The following SMURF2 variants were observed in gnomAD, a reference collection of about 807,000 sequenced individuals.
SMURF2 encodes the protein SMAD specific E3 ubiquitin protein ligase 2.
SMURF2 carries 48 observed loss-of-function variants against 109.6 expected under a neutral mutation model. The observed-to-expected ratio is 0.44, with a 90% confidence interval of 0.35 to 0.56. The LOEUF is 0.56. Ranked by LOEUF, SMURF2 falls within the 20% of genes least tolerant of loss-of-function variation. The pLI is 0.01. For missense variants in SMURF2, 575 were observed against 909.0 expected (o/e 0.63, Z 4.72); for synonymous variants, 288 against 317.1 (o/e 0.91, Z 0.97).
chr17:64,649,716 T>C (rs8072597), intron 1 of SMURF2, among the ~76,000 whole-genome samples: 4,672 of 151,958 alleles, frequency 0.031, 236 homozygotes, highest in African/African-American at 0.11. Context: ...TGGTGGTGCG[T>C]GCCTGTAGTC....
At position 64,545,880 on chromosome 17, in the gene SMURF2, T is replaced by A; in HGVS notation, c.2215A>T (p.Ile739Phe). The stretch of plus-strand genomic sequence containing the variant: ...ACAGCAAATCCACATGTTTCTTCAA[T>A]GGCTGTTAGCAGCTTTTCATATAGC... The part of the protein sequence containing the change: ...EKLYEKLLTA[I>F]EETCGFAVE The change falls in exon 19 of 19, where the codon ATT becomes TTT. Residue 739 changes from isoleucine to phenylalanine, a missense_variant. Physicochemically the swap from Ile to Phe is conservative, Grantham distance 21. Around this residue, in one of 5 missense-constraint regions of SMURF2, gnomAD observed 361 missense variants for 612.1 expected, o/e 0.59. Coordinates refer to ENST00000262435, the MANE Select transcript of SMURF2 (RefSeq NM_022739.4). 1 of 1,611,626 alleles carries A rather than the reference T, an allele frequency of 6.2e-7. No individual in the cohort carries two copies. The highest frequency in any genetic ancestry group is 8.5e-7 in the Non-Finnish European group (1 of 1,177,774).
rs141169726 is a variant in SMURF2, at chr17:64,568,119, G to A, written c.1016+3679C>T. Among the ~76,000 whole-genome samples, 9 of 152,168 alleles carry A rather than the reference G, an allele frequency of 5.9e-5. No homozygotes were observed. In the East Asian group the frequency reaches 1.7e-3, roughly 29 times the overall value. On this transcript the variant is annotated intron_variant, in intron 10 of 18. Transcript: ENST00000262435. ...TCCACCCGCCTTGGCCTCCCAAAGT[G>A]GTGGGATTACAGGTGTGGGCCACCG...
chr17:64,603,005 C>T (rs1176452424), intron 2 of SMURF2, among the ~76,000 whole-genome samples: 1 of 151,818 alleles, frequency 6.6e-6, no homozygotes, highest in Admixed American at 6.6e-5. Context: ...GCTCAAAAAC[C>T]TCCTTACTAC....
chr17:64,593,740 A>T (rs535303400), intron 3 of SMURF2, among the ~76,000 whole-genome samples, 167 bp from the exon 4 acceptor site: 25 of 152,324 alleles, frequency 1.6e-4, no homozygotes, highest in African/African-American at 4.8e-4. Context: ...TTAAATTTTT[A>T]AAAATCTTGA....
At chr17:64,651,024 C>T (rs1393502743) in intron 1 of SMURF2, among the ~76,000 whole-genome samples, 2 of 150,124 alleles carry the variant, frequency 1.3e-5, no homozygotes, top group Non-Finnish European at 3.0e-5. Flanking sequence ...ACAGCCTGGC[C>T]AACACAGCAA....
At chr17:64,553,517 AAAAAC>A (rs1282466581) in intron 15 of SMURF2, among the ~76,000 whole-genome samples, 2 of 152,096 alleles carry the variant, frequency 1.3e-5, no homozygotes, top group Non-Finnish European at 2.9e-5. Flanking sequence ...AAAAACCCAA[AAAAAC>A]AAAACAAAAA....
chr17:64,625,524 T>C lies in SMURF2; in HGVS notation c.53-18884A>G, dbSNP rs535187217. ...ATTTTGTATTCAACACAGATCTCTG[T>C]TTTATGACACTAGCAAATTAACATA... On this transcript the variant is annotated intron_variant, in intron 1 of 18. Transcript: ENST00000262435. 3.9e-5 allele frequency among the ~76,000 whole-genome samples: 6 copies of C among 152,350 alleles called. No individual in the cohort carries two copies. The South Asian group carries it at 1.2e-3, about 32-fold the overall frequency.
At chr17:64,598,055 A>G (rs1969842962) in intron 3 of SMURF2, among the ~76,000 whole-genome samples, 1 of 152,196 alleles carries the variant, frequency 6.6e-6, no homozygotes, top group African/African-American at 2.4e-5. Flanking sequence ...AAAGAAGCCT[A>G]TTCAGTGCAA....
chr17:64,661,790 C>T (rs1286593456), intron 1 of SMURF2, 39 bp downstream of exon 1: 4 of 1,215,896 alleles, frequency 3.3e-6, no homozygotes, highest in Non-Finnish European at 4.1e-6. Flanking sequence ...AGCTCGCCCA[C>T]CCCGCGGCTG....
intron 16 of SMURF2, among the ~76,000 whole-genome samples, chr17:64,549,515 G>T (rs111713738): frequency 0.051 from 7,775 of 152,118 alleles, 315 homozygotes; most frequent in African/African-American, 0.12. Flanking sequence ...TAACAATTTG[G>T]GAAGCAGAGG....
intron 15 of SMURF2, among the ~76,000 whole-genome samples, chr17:64,553,906 A>G (rs1332476670): frequency 2.0e-5 from 3 of 152,236 alleles, no homozygotes; most frequent in Non-Finnish European, 4.4e-5. Context: ...AACATAATCT[A>G]TACACAGAAA....
chr17:64,637,923 C>CAAAAAAAAAAAAAAAAAAAAA lies in SMURF2; in HGVS notation c.52+23905_52+23906insTTTTTTTTTTTTTTTTTTTTT, dbSNP rs59701513. 1.3e-3 allele frequency among the ~76,000 whole-genome samples: 92 copies of CAAAAAAAAAAAAAAAAAAAAA among 72,546 alleles called. 3 individuals carry two copies. Among genetic ancestry groups the CAAAAAAAAAAAAAAAAAAAAA allele is most frequent in the Middle Eastern group, 8.8e-3 (1 of 114 alleles). 47.6% of individuals were successfully genotyped at this position (72,546 alleles called of 152,430 possible). A position where few individuals can be genotyped will look rare whatever the true frequency, so the allele number is the denominator to read the frequency against. On this transcript the variant is annotated intron_variant, in intron 1 of 18. Coordinates refer to ENST00000262435, the MANE Select transcript of SMURF2 (RefSeq NM_022739.4). ...CATTGAATGGTTTTGGCGCCCTAGTCAAAAAAAAAAAAAAAAAAAATCAAC... is the reference window on the plus strand; with the variant it reads ...CATTGAATGGTTTTGGCGCCCTAGTCAAAAAAAAAAAAAAAAAAAAAAAAAAAAAAAAAAAAAAAAATCAAC...
At chr17:64,590,647 T>C (rs1335894703) in intron 5 of SMURF2, among the ~76,000 whole-genome samples, 1 of 152,200 alleles carries the variant, frequency 6.6e-6, no homozygotes, top group Non-Finnish European at 1.5e-5. Context: ...TTCTCCCTTT[T>C]TCCAGTGTTA....
chr17:64,577,586 TAAA>T (rs530564573), intron 9 of SMURF2, among the ~76,000 whole-genome samples: 1 of 132,322 alleles, frequency 7.6e-6, no homozygotes, highest in African/African-American at 2.7e-5. Context: ...AATAAAACAC[TAAA>T]AAAAAAAAAA....
chr17:64,635,826 T>C (rs1470813256), intron 1 of SMURF2, among the ~76,000 whole-genome samples: 2 of 152,230 alleles, frequency 1.3e-5, no homozygotes, highest in African/African-American at 4.8e-5. Flanking sequence ...AGTTCTCTTA[T>C]GTATGTACCT....
intron 1 of SMURF2, among the ~76,000 whole-genome samples, chr17:64,636,161 T>C (rs868927575): frequency 2.0e-5 from 3 of 152,158 alleles, no homozygotes; most frequent in South Asian, 4.1e-4. Context: ...TTTTTTGAAA[T>C]GTGGTCTCAC....
rs1568181521 is a variant in SMURF2 at position 64,578,371 on chromosome 17, T to C, written c.857+121A>G. The C allele has an allele frequency of 7.6e-6, 5 of 660,902 alleles. No homozygotes were observed. In the East Asian group the frequency reaches 8.3e-5, roughly 11 times the overall value. The allele number at this position is 660,902 out of a possible 1,614,324, so 40.9% of individuals were successfully genotyped here. A position where few individuals can be genotyped will look rare whatever the true frequency, so the allele number is the denominator to read the frequency against. Reference sequence around the variant, plus strand: ...CTAAACGTTAAAACTGAAGTAACTATCAGAAGAGTCAAACTTTTACATAAA... The same window carrying C: ...CTAAACGTTAAAACTGAAGTAACTACCAGAAGAGTCAAACTTTTACATAAA... On this transcript the variant is annotated intron_variant, in intron 9 of 18. Coordinates refer to ENST00000262435, the MANE Select transcript of SMURF2 (RefSeq NM_022739.4).
At chr17:64,598,041 G>C (rs181881196) in intron 3 of SMURF2, among the ~76,000 whole-genome samples, 21 of 152,124 alleles carry the variant, frequency 1.4e-4, no homozygotes, top group Admixed American at 1.2e-3. Flanking sequence ...CCATATAAAG[G>C]CAAAAAGAAG....
At chr17:64,655,461 T>TC (rs1568212613) in intron 1 of SMURF2, among the ~76,000 whole-genome samples, 5 of 151,668 alleles carry the variant, frequency 3.3e-5, no homozygotes, top group Admixed American at 1.3e-4. Flanking sequence ...TTTCACCATG[T>TC]TGGCCAGGCT....
Sources: gnomAD v4.1 joint callset for allele counts (sites outside exome capture counted in the v4.1 genomes callset) on GRCh38, gnomAD v4.1.1 for gene constraint, gnomAD v4.1.1 regional missense constraint, MANE v1.5 for transcripts, NCBI Gene and HGNC (gene_info 2026-07-23, HGNC 2026-07-21) for gene names.